CFAP77: variants seen among roughly 807,000 people sequenced by gnomAD.
CFAP77 encodes the protein cilia- and flagella-associated protein 77.
In CFAP77, 25 loss-of-function variants were observed where a neutral mutation model predicts 31.1. The observed-to-expected ratio is 0.80, with a 90% CI of 0.59 to 1.12. CFAP77 has a LOEUF of 1.12. CFAP77 is among the 50% of genes most tolerant of loss of function. CFAP77 has a pLI of 0.00. For synonymous variants in CFAP77, 151 were observed against 159.9 expected, an observed-to-expected ratio of 0.94 and a Z score of 0.42; for missense variants, 377 against 397.3, an observed-to-expected ratio of 0.95 and a Z score of 0.44.
At chr9:132,530,325 G>A (rs1378733256) in intron 3 of CFAP77, among the ~76,000 whole-genome samples, 1 of 151,058 alleles carries the variant, frequency 6.6e-6, no homozygotes, top group East Asian at 1.9e-4. Flanking sequence ...ACCCATCCTG[G>A]AGTGCAGTGG....
At position 132,498,572 on chromosome 9, in the gene CFAP77, C is replaced by T. The variant is rs1851783223; in HGVS notation, c.196-123C>T. On this transcript the variant is annotated intron_variant, in intron 1 of 5. Coordinates refer to ENST00000393216, the MANE Select transcript of CFAP77 (RefSeq NM_001282957.2). The surrounding 1 kb of genome is among the most constrained non-coding windows in gnomAD (Gnocchi z 4.2). ...GCTCTGCCACCCACTCCTGTGCCACCCTGAAGGCCACGGCAGGGCCTGGGG... is the reference window on the plus strand; with the variant it reads ...GCTCTGCCACCCACTCCTGTGCCACTCTGAAGGCCACGGCAGGGCCTGGGG... The T allele has an allele frequency of 6.8e-6, 5 of 736,476 alleles. No homozygotes were observed. The highest frequency in any genetic ancestry group is 3.4e-5 in the South Asian group (2 of 58,512). The allele number at this position is 736,476 out of a possible 1,614,324, so 45.6% of individuals were successfully genotyped here.
At chr9:132,475,439 TG>T (rs1255215651) in intron 1 of CFAP77, among the ~76,000 whole-genome samples, 1 of 152,224 alleles carries the variant, frequency 6.6e-6, no homozygotes, top group East Asian at 1.9e-4. Context: ...GAACCCAGGC[TG>T]GTTCCAGGCC....
intron 5 of CFAP77, among the ~76,000 whole-genome samples, chr9:132,570,975 C>T (rs1305966673): frequency 2.6e-5 from 4 of 151,998 alleles, no homozygotes; most frequent in Non-Finnish European, 5.9e-5. Context: ...TTCCACGTGG[C>T]CCCGAGCACA....
In CFAP77 at chr9:132,497,952, G is replaced by A. The variant is rs892720253; in HGVS notation, c.196-743G>A. ...CAAGAGGACAGGCACGCCTCCATGCGATGCCCTGCCCAGCGCTTGGGGGCC... is the reference window on the plus strand; with the variant it reads ...CAAGAGGACAGGCACGCCTCCATGCAATGCCCTGCCCAGCGCTTGGGGGCC... On this transcript the variant is annotated intron_variant, in intron 1 of 5. Coordinates refer to ENST00000393216, the MANE Select transcript of CFAP77 (RefSeq NM_001282957.2). This position sits in a 1 kb window ranked among gnomAD's most constrained non-coding sequence, Gnocchi z 4.9. Among the ~76,000 whole-genome samples, 6 of 152,158 alleles carry A rather than the reference G, an allele frequency of 3.9e-5. No homozygotes were observed. Among genetic ancestry groups the A allele is most frequent in the Non-Finnish European group, 7.4e-5 (5 of 68,012 alleles).
chr9:132,492,508 T>C (rs1851668173), intron 1 of CFAP77, among the ~76,000 whole-genome samples: 1 of 152,214 alleles, frequency 6.6e-6, no homozygotes, highest in Non-Finnish European at 1.5e-5. Flanking sequence ...CCATCTATGC[T>C]AAATGCCAGC....
intron 5 of CFAP77, among the ~76,000 whole-genome samples, chr9:132,543,761 C>T (rs1396906575): frequency 2.0e-5 from 3 of 152,208 alleles, no homozygotes; most frequent in African/African-American, 4.8e-5. Flanking sequence ...CCAGGGAACA[C>T]GCCACATTCT....
chr9:132,473,706 A>G (rs1289576586), intron 1 of CFAP77, among the ~76,000 whole-genome samples: 1 of 152,052 alleles, frequency 6.6e-6, no homozygotes, highest in Non-Finnish European at 1.5e-5. Flanking sequence ...TTTTTGAGAC[A>G]GAGTTTCACT....
intron 3 of CFAP77, among the ~76,000 whole-genome samples, chr9:132,533,804 C>A (rs1478651234): frequency 1.3e-5 from 2 of 152,036 alleles, no homozygotes; most frequent in Admixed American, 1.3e-4. Flanking sequence ...TCACTCGAAC[C>A]CAGGAGGTGG....
intron 3 of CFAP77, among the ~76,000 whole-genome samples, chr9:132,535,638 G>A (rs996678728): frequency 6.6e-6 from 1 of 152,068 alleles, no homozygotes; most frequent in African/African-American, 2.4e-5. Flanking sequence ...ACTTGAACCT[G>A]GGAGGCAAGG....
chr9:132,522,385 C>T (rs1347117322), intron 3 of CFAP77, among the ~76,000 whole-genome samples: 2 of 152,146 alleles, frequency 1.3e-5, no homozygotes, highest in East Asian at 1.9e-4. Context: ...CCTCTCTGGG[C>T]TTCGCTTCCC....
chr9:132,529,521 A>AC (rs1340361887), intron 3 of CFAP77, among the ~76,000 whole-genome samples: 1 of 68,122 alleles, frequency 1.5e-5, no homozygotes, highest in Admixed American at 1.4e-4. Flanking sequence ...AAAAAAAAAC[A>AC]AAAAAAAAAC....
chr9:132,459,995 G>A (rs547110778), intron 1 of CFAP77, among the ~76,000 whole-genome samples: 1 of 152,222 alleles, frequency 6.6e-6, no homozygotes, highest in East Asian at 1.9e-4. Flanking sequence ...AGACCTTCAA[G>A]ACACTTCTCC....
chr9:132,477,593 G>A (rs923309142), intron 1 of CFAP77, among the ~76,000 whole-genome samples: 1 of 152,240 alleles, frequency 6.6e-6, no homozygotes, highest in East Asian at 1.9e-4. Flanking sequence ...TGGGCACATA[G>A]TAATTGCTCA....
chr9:132,453,820 C>A lies in CFAP77; in HGVS notation c.195+43354C>A, dbSNP rs146272399. Reference sequence around the variant, plus strand: ...TAATCAATCATCTTTTGGTCTCTCACTTCTGAGTACGTAAGAGCCATTTGC... The same window carrying A: ...TAATCAATCATCTTTTGGTCTCTCAATTCTGAGTACGTAAGAGCCATTTGC... On this transcript the variant is annotated intron_variant, in intron 1 of 5. Coordinates refer to ENST00000393216, the MANE Select transcript of CFAP77 (RefSeq NM_001282957.2). Among the ~76,000 whole-genome samples the A allele has an allele frequency of 4.4e-3, 668 of 152,326 alleles. 4 individuals carry two copies. The highest frequency in any genetic ancestry group is 0.015 in the African/African-American group (642 of 41,564).
intron 1 of CFAP77, among the ~76,000 whole-genome samples, chr9:132,437,936 G>A (rs910256455): frequency 7.3e-5 from 11 of 151,506 alleles, no homozygotes; most frequent in Admixed American, 3.9e-4. Context: ...TTGGCCAGGC[G>A]CAGTGGCTCA....
At chr9:132,546,215 G>A (rs1564248112) in intron 5 of CFAP77, among the ~76,000 whole-genome samples, 1 of 152,168 alleles carries the variant, frequency 6.6e-6, no homozygotes, top group Non-Finnish European at 1.5e-5. Context: ...CCCAAACCAA[G>A]CACCCACCAT....
chr9:132,410,561 C>T, intron 1 of CFAP77, 95 bp downstream of exon 1: 3 of 1,137,316 alleles, frequency 2.6e-6, no homozygotes, highest in Non-Finnish European at 1.2e-6. Context: ...GCCCCGCGGC[C>T]CGGGGTCCGA....
In CFAP77 at chr9:132,511,366, A is replaced by G. The variant is rs545230948; in HGVS notation, c.524+11766A>G. ...CCTGGCGGAGGCCTCACCGTCCTTC[A>G]GACACTCCTGTGTCTCTTGCCTGGA... On this transcript the variant is annotated intron_variant, in intron 3 of 5. Coordinates refer to ENST00000393216, the MANE Select transcript of CFAP77 (RefSeq NM_001282957.2). This position sits in a 1 kb window ranked among gnomAD's most constrained non-coding sequence, Gnocchi z 5.8. Among the ~76,000 whole-genome samples, 1 of 152,232 alleles carries G rather than the reference A, an allele frequency of 6.6e-6. No individual in the cohort carries two copies. Among genetic ancestry groups the G allele is most frequent in the Non-Finnish European group, 1.5e-5 (1 of 67,996 alleles).
chr9:132,431,331 G>A (rs1850407595), intron 1 of CFAP77, among the ~76,000 whole-genome samples: 1 of 152,148 alleles, frequency 6.6e-6, no homozygotes, highest in Admixed American at 6.5e-5. Flanking sequence ...TCTACAATGG[G>A]TCAGTCACAA....
Sources: allele counts gnomAD v4.1 joint callset (sites outside exome capture counted in the v4.1 genomes callset), GRCh38; gene constraint gnomAD v4.1.1; non-coding constraint Gnocchi (gnomAD v3.1); transcripts MANE v1.5; gene names NCBI Gene and HGNC (gene_info 2026-07-23, HGNC 2026-07-21).